The following RAC2 variants were observed in gnomAD, a reference collection of about 807,000 sequenced individuals.
RAC2 encodes the protein Rac family small GTPase 2, also known as ras-related C3 botulinum toxin substrate 2.
In RAC2, 1 loss-of-function variant was observed where a neutral mutation model predicts 24.0. The observed-to-expected ratio is 0.04, with a 90% confidence interval of 0.01 to 0.20. RAC2 has a LOEUF of 0.20. RAC2 is among the 10% of genes least tolerant of loss of function. The pLI is 1.00. For missense variants in RAC2, 130 were observed against 259.1 expected (o/e 0.50, Z 3.42); for synonymous variants, 114 against 106.8 (o/e 1.07, Z -0.41).
rs199795253 is a variant in RAC2, at chr22:37,241,703, C to G, written c.36-45G>C. ...AGAGGGCGGCGGTCATGGGCTCTGC[C>G]GGAGACGTGGGGAGGTTTCTGCCTG... On this transcript the variant is annotated intron_variant, in intron 1 of 6. Transcript: ENST00000249071. The G allele has an allele frequency of 3.8e-6, 6 of 1,560,286 alleles. No homozygotes were observed. The highest frequency in any genetic ancestry group is 1.4e-5 in the African/African-American group (1 of 73,788).
At chr22:37,238,208 C>T (rs1426569125) in intron 2 of RAC2, among the ~76,000 whole-genome samples, 1 of 152,034 alleles carries the variant, frequency 6.6e-6, no homozygotes, top group African/African-American at 2.4e-5. Flanking sequence ...GCCAGGTTAA[C>T]TTTCAGTTGT....
chr22:37,238,711 C>A (rs1927308114), intron 2 of RAC2, among the ~76,000 whole-genome samples: 1 of 152,234 alleles, frequency 6.6e-6, no homozygotes, highest in African/African-American at 2.4e-5. Context: ...GACTCAGGCT[C>A]CCCATCTGCG....
intron 1 of RAC2, among the ~76,000 whole-genome samples, chr22:37,243,654 G>T (rs964750656): frequency 1.3e-5 from 2 of 152,308 alleles, no homozygotes; most frequent in South Asian, 4.1e-4. Flanking sequence ...CCTCCCAGAT[G>T]AATAAGCTGA....
chr22:37,241,485 G>A (rs969573255), intron 2 of RAC2, 102 bp downstream of exon 2: 29 of 1,225,490 alleles, frequency 2.4e-5, no homozygotes, highest in Admixed American at 6.7e-5. Flanking sequence ...GGCTGTGGGT[G>A]CCCACACAGG....
Position 37,232,801 on chromosome 22 carries a change from C to A in RAC2, c.225G>T (p.Thr75=). Residue 75 remains threonine, a splice_region_variant and synonymous_variant, in exon 3 of 7, where the codon ACG becomes ACT. Transcript: ENST00000249071. ...TGCAAGGCAGGTGGGAGCAGCACAC[C>A]GTCTGTGGATAGGAGAGCGGCCGGA... ...DRLRPLSYPQ[T]DVFLICFSLV... 6.2e-7 allele frequency: 1 copy of A among 1,611,018 alleles called. No homozygotes were observed. The highest frequency in any genetic ancestry group is 8.5e-7 in the Non-Finnish European group (1 of 1,177,488).
intron 5 of RAC2, among the ~76,000 whole-genome samples, chr22:37,230,709 G>A (rs1201184538): frequency 6.6e-6 from 1 of 152,128 alleles, no homozygotes; most frequent in Non-Finnish European, 1.5e-5. Context: ...AGTGGGGAAA[G>A]GGAGGAGAGA....
At chr22:37,238,225 G>T (rs1480703437) in intron 2 of RAC2, among the ~76,000 whole-genome samples, 1 of 151,916 alleles carries the variant, frequency 6.6e-6, no homozygotes, top group Non-Finnish European at 1.5e-5. Flanking sequence ...TTGTTTTTTG[G>T]GAGGCTCTTT....
Position 37,243,636 on chromosome 22 carries a change from A to G in RAC2, c.35+478T>C, listed in dbSNP as rs886382899. 2.0e-5 allele frequency among the ~76,000 whole-genome samples: 3 copies of G among 152,160 alleles called. No homozygotes were observed. In the East Asian group the frequency reaches 5.8e-4, roughly 29 times the overall value. The stretch of plus-strand genomic sequence containing the variant: ...AGCGACCCCACAGCATCCCCAGGGC[A>G]TAGGCCTCCTCCCAGATGAATAAGC... On this transcript the variant is annotated intron_variant, in intron 1 of 6. Coordinates refer to ENST00000249071, the MANE Select transcript of RAC2 (RefSeq NM_002872.5).
In RAC2 at chr22:37,231,572, G is replaced by A. The variant is rs55806854; in HGVS notation, c.289-182C>T. 0.021 allele frequency: 13,167 copies of A among 629,728 alleles called. 198 individuals are homozygous for A. Among genetic ancestry groups the A allele is most frequent in the Non-Finnish European group, 0.029 (10,222 of 357,816 alleles). The allele number at this position is 629,728 out of a possible 1,614,324, so 39.0% of individuals were successfully genotyped here. A position where few individuals can be genotyped will look rare whatever the true frequency, so the allele number is the denominator to read the frequency against. On this transcript the variant is annotated intron_variant, in intron 4 of 6. Coordinates refer to ENST00000249071, the MANE Select transcript of RAC2 (RefSeq NM_002872.5). This position sits in a 1 kb window ranked among gnomAD's most constrained non-coding sequence, Gnocchi z 5.5. ...AGGTGGCACAGGGAGGGGAGGCCAC[G>A]ACGTTGTGCAGGAAGGAGGGGGCGC...
intron 1 of RAC2, among the ~76,000 whole-genome samples, chr22:37,242,429 A>G (rs1007719886): frequency 1.6e-4 from 24 of 152,210 alleles, no homozygotes; most frequent in Admixed American, 1.0e-3. Context: ...GAGCTGGTAC[A>G]TAGGAAGGAA....
intron 3 of RAC2, among the ~76,000 whole-genome samples, chr22:37,232,211 T>A (rs1927087917): frequency 6.6e-6 from 1 of 152,174 alleles, no homozygotes; most frequent in Non-Finnish European, 1.5e-5. Context: ...CTCTGCGAAG[T>A]GGTTATCCTC....
intron 6 of RAC2, 100 bp downstream of exon 6, chr22:37,226,571 T>C: frequency 6.7e-7 from 1 of 1,492,992 alleles, no homozygotes; most frequent in Non-Finnish European, 9.1e-7. Context: ...CCACCTTCTT[T>C]CTGTCCTGGC....
At chr22:37,239,358 CTG>C (rs746627876) in intron 2 of RAC2, among the ~76,000 whole-genome samples, 51 of 152,200 alleles carry the variant, frequency 3.4e-4, no homozygotes, top group Non-Finnish European at 4.4e-5. Context: ...GCATGGGGCC[CTG>C]TGCAATTGGA....
intron 2 of RAC2, among the ~76,000 whole-genome samples, chr22:37,236,805 G>A (rs184469395): frequency 3.9e-5 from 6 of 152,292 alleles, no homozygotes; most frequent in Admixed American, 3.9e-4. Context: ...GATGTCATAG[G>A]GGCACGGACC....
At chr22:37,229,581 T>A (rs1444554510) in intron 5 of RAC2, among the ~76,000 whole-genome samples, 2 of 151,802 alleles carry the variant, frequency 1.3e-5, no homozygotes, top group African/African-American at 4.8e-5. Flanking sequence ...GGCTGGGGAG[T>A]CCAGGTGGGC....
intron 1 of RAC2, 107 bp downstream of exon 1, chr22:37,244,007 G>C: frequency 6.8e-7 from 1 of 1,475,550 alleles, no homozygotes; most frequent in Non-Finnish European, 9.5e-7. Context: ...CTGCCTTCCA[G>C]GGACGCCTAG....
chr22:37,238,732 T>G (rs1204767701), intron 2 of RAC2, among the ~76,000 whole-genome samples: 3 of 152,136 alleles, frequency 2.0e-5, no homozygotes, highest in African/African-American at 7.2e-5. Context: ...AAACGGGGGA[T>G]TTGATGCAAA....
intron 2 of RAC2, among the ~76,000 whole-genome samples, chr22:37,238,946 C>A (rs1601676174): frequency 6.6e-6 from 1 of 152,202 alleles, no homozygotes. Context: ...CTTATCTGAT[C>A]TTGTATCTGC....
Position 37,226,026 on chromosome 22 carries a change from C to G in RAC2, c.*16G>C, listed in dbSNP as rs1258351006. The G allele has an allele frequency of 6.4e-6, 1 of 155,590 alleles. No homozygotes were observed. The highest frequency in any genetic ancestry group is 2.4e-5 in the African/African-American group (1 of 41,394). 9.6% of individuals were successfully genotyped at this position (155,590 alleles called of 1,614,324 possible). Reference sequence around the variant, plus strand: ...AGGATCAGACCCATCTAGGTGGGAGCGCTGGGGTGCAACCTGGAAGGAAGA... The same window carrying G: ...AGGATCAGACCCATCTAGGTGGGAGGGCTGGGGTGCAACCTGGAAGGAAGA... On this transcript the variant is annotated 3_prime_UTR_variant, in exon 7 of 7. Coordinates refer to ENST00000249071, the MANE Select transcript of RAC2 (RefSeq NM_002872.5).
Sources: allele counts gnomAD v4.1 joint callset (sites outside exome capture counted in the v4.1 genomes callset), GRCh38; gene constraint gnomAD v4.1.1; non-coding constraint Gnocchi (gnomAD v3.1); transcripts MANE v1.5; gene names NCBI Gene and HGNC (gene_info 2026-07-23, HGNC 2026-07-21).